KIAA0319: variants seen among roughly 807,000 people sequenced by gnomAD.
KIAA0319 encodes the protein dyslexia-associated protein KIAA0319.
KIAA0319 carries 83 observed loss-of-function variants against 108.4 expected under a neutral mutation model. The ratio of observed to expected loss-of-function variants is 0.77; its 90% CI spans 0.64 to 0.92. The LOEUF (loss-of-function observed/expected upper bound fraction) is 0.92. Ranked by LOEUF, KIAA0319 falls within the 40% of genes least tolerant of loss-of-function variation. KIAA0319 has a pLI of 0.00. For missense variants in KIAA0319, 1,195 were observed against 1,322.4 expected (o/e 0.90, Z 1.49); for synonymous variants, 484 against 510.4 (o/e 0.95, Z 0.70).
chr6:24,619,926 T>C (rs528710130), intron 1 of KIAA0319, among the ~76,000 whole-genome samples: 35 of 152,182 alleles, frequency 2.3e-4, no homozygotes, highest in Non-Finnish European at 3.7e-4. Flanking sequence ...CCAGCCTGAC[T>C]AAAAAGTGCC....
chr6:24,586,828 A>G (rs943361373), intron 4 of KIAA0319, among the ~76,000 whole-genome samples: 3 of 151,666 alleles, frequency 2.0e-5, no homozygotes, highest in Non-Finnish European at 4.4e-5. Context: ...TCCTCCATAG[A>G]ACTCTCTCCC....
At chr6:24,596,861 G>A (rs756243867) in intron 2 of KIAA0319, among the ~76,000 whole-genome samples, 1 of 151,528 alleles carries the variant, frequency 6.6e-6, no homozygotes, top group African/African-American at 2.4e-5. Flanking sequence ...TCATCCACCC[G>A]TCTTTCCTCC....
Position 24,599,388 on chromosome 6 carries a change from A to ATTAAG in KIAA0319, c.55+1656_55+1660dup. On this transcript the variant is annotated intron_variant, in intron 2 of 20. Transcript: ENST00000378214. This position sits in a 1 kb window ranked among gnomAD's most constrained non-coding sequence, Gnocchi z 4.1. ...TGCGGAGAAGCGTGGGGAGCTGGCCATTAAGGATGCCAATGCCAAGCTGTC... is the reference window on the plus strand; with the variant it reads ...TGCGGAGAAGCGTGGGGAGCTGGCCATTAAGTTAAGGATGCCAATGCCAAGCTGTC... 1 of 547,532 alleles carries ATTAAG rather than the reference A, an allele frequency of 1.8e-6. No homozygotes were observed. The highest frequency in any genetic ancestry group is 3.5e-6 in the Non-Finnish European group (1 of 284,256). 33.9% of individuals were successfully genotyped at this position (547,532 alleles called of 1,614,324 possible).
At chr6:24,566,346 G>A (rs1044887488) in intron 14 of KIAA0319, among the ~76,000 whole-genome samples, 5 of 152,196 alleles carry the variant, frequency 3.3e-5, no homozygotes, top group Non-Finnish European at 1.5e-5. Context: ...CCCCTGCTAT[G>A]GGAGGACATG....
chr6:24,642,113 G>GAAGGAAGGA (rs1435491665), intron 1 of KIAA0319, among the ~76,000 whole-genome samples: 9 of 115,290 alleles, frequency 7.8e-5, no homozygotes, highest in Non-Finnish European at 1.4e-4. Flanking sequence ...GGAAGGGAAA[G>GAAGGAAGGA]AAGGAAGGAA....
chr6:24,620,611 G>GT (rs1279113445), intron 1 of KIAA0319, among the ~76,000 whole-genome samples: 2 of 152,110 alleles, frequency 1.3e-5, no homozygotes, highest in Non-Finnish European at 2.9e-5. Context: ...CCATACTTGT[G>GT]TTTTTGCTTT....
Position 24,583,703 on chromosome 6 carries a change from C to T in KIAA0319, c.995-1G>A. On this transcript the variant is annotated splice_acceptor_variant, in intron 4 of 20. Coordinates refer to ENST00000378214, the MANE Select transcript of KIAA0319 (RefSeq NM_014809.4). LOFTEE classifies it high-confidence loss of function. The stretch of plus-strand genomic sequence containing the variant: ...CCAGCCGATACCGTAAGTTCTTTCA[C>T]TAAAAGTTAATTAGAAATAATACGT... 1.3e-6 allele frequency: 2 copies of T among 1,580,746 alleles called. No individual in the cohort carries two copies. The highest frequency in any genetic ancestry group is 1.7e-6 in the Non-Finnish European group (2 of 1,150,178).
intron 10 of KIAA0319, among the ~76,000 whole-genome samples, 166 bp downstream of exon 10, chr6:24,576,202 C>T (rs770316692): frequency 6.6e-6 from 1 of 152,166 alleles, no homozygotes; most frequent in Non-Finnish European, 1.5e-5. Flanking sequence ...GGGATGTAAA[C>T]TTGGAAGATT....
chr6:24,604,720 G>A (rs921189676), intron 1 of KIAA0319, among the ~76,000 whole-genome samples: 1 of 152,090 alleles, frequency 6.6e-6, no homozygotes, highest in Non-Finnish European at 1.5e-5. Flanking sequence ...TTCTTTGGGG[G>A]TACTTTAATG....
chr6:24,630,162 G>A (rs193253087), intron 1 of KIAA0319, among the ~76,000 whole-genome samples: 1 of 152,140 alleles, frequency 6.6e-6, no homozygotes, highest in Admixed American at 6.6e-5. Context: ...CTGGGTGACA[G>A]AGTGAGACTC....
chr6:24,571,818 G>A (rs1461383591), intron 11 of KIAA0319, among the ~76,000 whole-genome samples: 4 of 152,052 alleles, frequency 2.6e-5, no homozygotes, highest in African/African-American at 4.8e-5. Flanking sequence ...GCTCATGTAC[G>A]AGCTCTTTGC....
intron 1 of KIAA0319, among the ~76,000 whole-genome samples, chr6:24,643,709 CCT>C (rs1777257151): frequency 6.6e-6 from 1 of 152,104 alleles, no homozygotes; most frequent in Non-Finnish European, 1.5e-5. Flanking sequence ...AAAAATATTT[CCT>C]GAAAAAGAAC....
intron 2 of KIAA0319, chr6:24,598,060 C>A: frequency 2.6e-6 from 1 of 391,756 alleles, no homozygotes; most frequent in South Asian, 2.5e-5. Flanking sequence ...TACCTCTGGC[C>A]CCTGGGCCTT....
At chr6:24,600,289 A>G (rs897696799) in intron 2 of KIAA0319, among the ~76,000 whole-genome samples, 4 of 152,164 alleles carry the variant, frequency 2.6e-5, no homozygotes, top group Non-Finnish European at 2.9e-5. Context: ...CTAAGCAGGA[A>G]TGAGTTTAAT....
chr6:24,644,265 G>C (rs1428704025), intron 1 of KIAA0319, among the ~76,000 whole-genome samples: 1 of 152,072 alleles, frequency 6.6e-6, no homozygotes, highest in African/African-American at 2.4e-5. Flanking sequence ...TTCCCACTCT[G>C]AACCAGGGAG....
At chr6:24,572,331 G>A (rs557017432) in intron 11 of KIAA0319, among the ~76,000 whole-genome samples, 15 of 152,330 alleles carry the variant, frequency 9.8e-5, no homozygotes, top group Admixed American at 2.6e-4. Flanking sequence ...ACTGGGGCAC[G>A]TGTGGAAGCA....
chr6:24,598,298 C>T (rs1770056203), intron 2 of KIAA0319: 3 of 661,040 alleles, frequency 4.5e-6, no homozygotes, highest in Non-Finnish European at 8.3e-6. Context: ...GCCATGTGCA[C>T]CCAGGAGAAG....
intron 10 of KIAA0319, among the ~76,000 whole-genome samples, chr6:24,575,386 G>A (rs901876163): frequency 1.6e-4 from 25 of 151,532 alleles, no homozygotes; most frequent in African/African-American, 4.8e-4. Context: ...TTTTTTAACC[G>A]TGAAAATAAA....
At position 24,545,079 on chromosome 6, in the gene KIAA0319, T is replaced by C. The variant is rs12196913; in HGVS notation, c.*2086A>G. On this transcript the variant is annotated 3_prime_UTR_variant, in exon 21 of 21. Transcript: ENST00000378214. ...GGCTCTCTGGATCCATTAAAAGAAATTCCTCTTAGTCCTGGGAATAGAACT... is the reference window on the plus strand; with the variant it reads ...GGCTCTCTGGATCCATTAAAAGAAACTCCTCTTAGTCCTGGGAATAGAACT... 0.34 allele frequency: 52,175 copies of C among 152,072 alleles called. 10,550 individuals carry two copies. The highest frequency in any genetic ancestry group is 0.46 in the Non-Finnish European group (31,473 of 67,972). 9.4% of individuals were successfully genotyped at this position (152,072 alleles called of 1,614,324 possible).
Sources: allele counts gnomAD v4.1 joint callset (sites outside exome capture counted in the v4.1 genomes callset), GRCh38; gene constraint gnomAD v4.1.1; non-coding constraint Gnocchi (gnomAD v3.1); transcripts MANE v1.5; gene names NCBI Gene and HGNC (gene_info 2026-07-23, HGNC 2026-07-21).